Variants in ZW10 observed in about 807,000 individuals in gnomAD.
The protein encoded by ZW10 is zw10 kinetochore protein.
ZW10 carries 53 observed loss-of-function variants against 87.8 expected under a neutral mutation model. The observed-to-expected ratio is 0.60, with a 90% CI of 0.48 to 0.76. ZW10 has a LOEUF of 0.76. Ranked by LOEUF, ZW10 falls within the 30% of genes least tolerant of loss-of-function variation. The probability of loss-of-function intolerance (pLI) is 0.00; values close to 1 mark genes in which losing one functional copy is unlikely to be tolerated. For missense variants in ZW10, 837 were observed against 923.0 expected (o/e 0.91, Z 1.21); for synonymous variants, 312 against 329.2 (o/e 0.95, Z 0.57).
chr11:113,761,569 T>C (rs906847), intron 2 of ZW10, among the ~76,000 whole-genome samples: 114,893 of 152,074 alleles, frequency 0.76, 44,233 homozygotes, highest in Non-Finnish European at 0.84. Flanking sequence ...GCATGAGCCA[T>C]GGCACCCTGT....
chr11:113,746,495 C>CAAAAAAAAAAAAA (rs566009326), intron 9 of ZW10, among the ~76,000 whole-genome samples: 10 of 105,328 alleles, frequency 9.5e-5, no homozygotes, highest in African/African-American at 1.9e-4. Flanking sequence ...ACAAAACAGT[C>CAAAAAAAAAAAAA]AAAAAAAAAA....
intron 2 of ZW10, among the ~76,000 whole-genome samples, chr11:113,761,970 A>C (rs1032039740): frequency 6.6e-5 from 10 of 152,138 alleles, no homozygotes; most frequent in African/African-American, 2.2e-4. Flanking sequence ...TTCTTGCCAA[A>C]AAACAAACAA....
intron 7 of ZW10, 142 bp from the exon 8 acceptor site, chr11:113,748,562 G>A: frequency 1.6e-6 from 1 of 628,884 alleles, no homozygotes; most frequent in African/African-American, 1.8e-5. Context: ...CAACTGCGTG[G>A]GACAAATCAT....
rs1953935260 is a variant in ZW10, at chr11:113,768,974, T to C, written c.106-7A>G. ...TCATATTGCACACCTCACCCTAAAATATAAAACAGAATTATATTAAAAGAC... is the reference window on the plus strand; with the variant it reads ...TCATATTGCACACCTCACCCTAAAACATAAAACAGAATTATATTAAAAGAC... On this transcript the variant is annotated splice_region_variant and splice_polypyrimidine_tract_variant and intron_variant, in intron 1 of 15. Coordinates refer to ENST00000200135, the MANE Select transcript of ZW10 (RefSeq NM_004724.4). The C allele has an allele frequency of 5.6e-6, 9 of 1,612,972 alleles. No individual in the cohort carries two copies. Among genetic ancestry groups the C allele is most frequent in the South Asian group, 2.2e-5 (2 of 90,938 alleles).
chr11:113,769,058 A>T (rs1953936343), intron 1 of ZW10, 91 bp from the exon 2 acceptor site: 4 of 1,390,996 alleles, frequency 2.9e-6, no homozygotes, highest in Non-Finnish European at 4.0e-6. Context: ...GGCATTTTCC[A>T]TGTTAGAACC....
At chr11:113,773,376 C>G (rs1937663711) in intron 1 of ZW10, among the ~76,000 whole-genome samples, 186 bp downstream of exon 1, 1 of 151,968 alleles carries the variant, frequency 6.6e-6, no homozygotes, top group Admixed American at 6.6e-5. Context: ...TCCAAGATCC[C>G]TCCTCAATCC....
chr11:113,761,061 C>T (rs1953855658), intron 2 of ZW10, 143 bp from the exon 3 acceptor site: 1 of 670,686 alleles, frequency 1.5e-6, no homozygotes. Context: ...ATAAAAATCA[C>T]AGAATGTAGT....
chr11:113,751,551 G>A (rs1015001153), intron 7 of ZW10, among the ~76,000 whole-genome samples: 1 of 152,044 alleles, frequency 6.6e-6, no homozygotes, highest in Non-Finnish European at 1.5e-5. Context: ...TCTATGTTAG[G>A]GGAAAAAAAT....
At chr11:113,738,684 T>G (rs1478832252) in intron 12 of ZW10, among the ~76,000 whole-genome samples, 3 of 152,176 alleles carry the variant, frequency 2.0e-5, no homozygotes, top group African/African-American at 4.8e-5. Context: ...TTCTGATGTA[T>G]CTATACCAAC....
At position 113,760,383 on chromosome 11, in the gene ZW10, GA is replaced by G. The variant is rs1479620721; in HGVS notation, c.421-16del. 5 of 1,612,962 alleles carry G rather than the reference GA, an allele frequency of 3.1e-6. No homozygotes were observed. In the African/African-American group the frequency reaches 5.3e-5, roughly 17 times the overall value. ...CATTTCTGTGCCTGGTAACGAAATG[GA>G]ATCACTGTTAAACATTCCATCTGGA... On this transcript the variant is annotated splice_polypyrimidine_tract_variant and intron_variant, in intron 4 of 15. Coordinates refer to ENST00000200135, the MANE Select transcript of ZW10 (RefSeq NM_004724.4).
intron 1 of ZW10, among the ~76,000 whole-genome samples, chr11:113,772,338 C>T (rs1953975639): frequency 6.6e-6 from 1 of 152,032 alleles, no homozygotes; most frequent in Admixed American, 6.6e-5. Flanking sequence ...GTGAAAAATC[C>T]GAAAGCCATA....
In ZW10 at chr11:113,748,354, C is replaced by T; in HGVS notation, c.992G>A (p.Gly331Glu). 6.2e-7 allele frequency: 1 copy of T among 1,613,704 alleles called. No homozygotes were observed. Among genetic ancestry groups the T allele is most frequent in the Non-Finnish European group, 8.5e-7 (1 of 1,179,820 alleles). The change falls in exon 8 of 16, where the codon GGA becomes GAA. Residue 331 changes from glycine to glutamate, a missense_variant. Physicochemically the swap from Gly to Glu is moderately conservative, Grantham distance 98 (BLOSUM62 -2). Transcript: ENST00000200135. ...AGACAAGTCCTCCCAGATCATGTCT[C>T]CAAGCATCTCAGCCAATGGGACAGT... ...TSTVPLAEMLGDMIWEDLSEC... is the reference protein window; with the variant it reads ...TSTVPLAEMLEDMIWEDLSEC...
intron 1 of ZW10, among the ~76,000 whole-genome samples, chr11:113,769,364 T>G (rs761364791): frequency 7.9e-5 from 12 of 152,284 alleles, no homozygotes; most frequent in Non-Finnish European, 1.6e-4. Flanking sequence ...TATATCAGAC[T>G]GTGGTCACCA....
At chr11:113,756,989 G>A (rs904513192) in intron 7 of ZW10, among the ~76,000 whole-genome samples, 9 of 151,820 alleles carry the variant, frequency 5.9e-5, no homozygotes, top group Non-Finnish European at 1.3e-4. Context: ...ATGACTGCCA[G>A]GAAGGCCCAC....
intron 7 of ZW10, among the ~76,000 whole-genome samples, chr11:113,754,417 A>C (rs2134883569): frequency 6.6e-6 from 1 of 152,108 alleles, no homozygotes; most frequent in South Asian, 2.1e-4. Flanking sequence ...CCCAGGAGGC[A>C]GAGGTTGCAG....
In ZW10 at chr11:113,748,432, A is replaced by C; in HGVS notation, c.926-12T>G. 6.4e-7 allele frequency: 1 copy of C among 1,574,410 alleles called. No homozygotes were observed. Among genetic ancestry groups the C allele is most frequent in the Non-Finnish European group, 8.6e-7 (1 of 1,166,494 alleles). Reference sequence around the variant, plus strand: ...GTCAAGTGGCAAATCTGAATTTTTTAAAAAAAGAAGTTTTAAACAAGAAAC... The same window carrying C: ...GTCAAGTGGCAAATCTGAATTTTTTCAAAAAAGAAGTTTTAAACAAGAAAC... On this transcript the variant is annotated splice_polypyrimidine_tract_variant and intron_variant, in intron 7 of 15. Transcript: ENST00000200135.
chr11:113,769,867 G>C (rs1953945899), intron 1 of ZW10: 2 of 337,118 alleles, frequency 5.9e-6, no homozygotes, highest in Middle Eastern at 4.1e-4. Flanking sequence ...TCTCCAGAAA[G>C]CTGATGATGT....
At chr11:113,742,631 G>A (rs947223143) in intron 10 of ZW10, among the ~76,000 whole-genome samples, 7 of 152,114 alleles carry the variant, frequency 4.6e-5, no homozygotes, top group Non-Finnish European at 8.8e-5. Context: ...ATACTGTTTG[G>A]TGTTTTGTGT....
chr11:113,758,786 G>T, intron 5 of ZW10, 80 bp from the exon 6 acceptor site: 1 of 1,389,844 alleles, frequency 7.2e-7, no homozygotes, highest in Non-Finnish European at 1.0e-6. Flanking sequence ...CTCATTCTCT[G>T]ATATTTCCAA....
Sources: gnomAD v4.1 joint callset for allele counts (sites outside exome capture counted in the v4.1 genomes callset) on GRCh38, gnomAD v4.1.1 for gene constraint, MANE v1.5 for transcripts, NCBI Gene and HGNC (gene_info 2026-07-23, HGNC 2026-07-21) for gene names.